The following FRY variants were observed in gnomAD, a reference collection of about 807,000 sequenced individuals.
FRY encodes FRY microtubule binding protein.
FRY carries 128 observed loss-of-function variants against 348.4 expected under a neutral mutation model. That is an observed-to-expected ratio of 0.37 (90% confidence interval 0.32 to 0.43). FRY has a LOEUF of 0.43. Ranked by LOEUF, FRY falls within the 20% of genes least tolerant of loss-of-function variation. FRY has a pLI of 1.00. For synonymous variants in FRY, 1,370 were observed against 1,374.7 expected (o/e 1.00, Z 0.08); for missense variants, 2,736 against 3,695.2 (o/e 0.74, Z 6.73).
Position 32,224,360 on chromosome 13 carries a change from A to G in FRY, c.4891A>G (p.Ile1631Val), listed in dbSNP as rs1885473183. 6 of 1,613,982 alleles carry G rather than the reference A, an allele frequency of 3.7e-6. No homozygotes were observed. The highest frequency in any genetic ancestry group is 5.1e-6 in the Non-Finnish European group (6 of 1,179,920). ...CCTGGTTGACTATCTCCCGGAGACCATCACTCCCCGGGGGCCACTCCACAG... is the reference window on the plus strand; with the variant it reads ...CCTGGTTGACTATCTCCCGGAGACCGTCACTCCCCGGGGGCCACTCCACAG... ...APLVDYLPET[I>V]TPRGPLHRCN... The change falls in exon 37 of 61, where the codon ATC becomes GTC. Residue 1631 changes from isoleucine to valine, a missense_variant. This residue lies in a region of FRY where 794 missense variants were observed against 977.0 expected (regional missense o/e 0.81). Coordinates refer to ENST00000542859, the MANE Select transcript of FRY (RefSeq NM_023037.3).
At position 32,182,959 on chromosome 13, in the gene FRY, G is replaced by T; in HGVS notation, c.2997-18G>T. On this transcript the variant is annotated intron_variant, in intron 23 of 60. Coordinates refer to ENST00000542859, the MANE Select transcript of FRY (RefSeq NM_023037.3). ...GTCAAAAACAATGAATTTCAAATTT[G>T]ACCTTTTTCCTCCACAGAGAATTGG... 6.4e-7 allele frequency: 1 copy of T among 1,553,262 alleles called. No individual in the cohort carries two copies. Among genetic ancestry groups the T allele is most frequent in the South Asian group, 1.1e-5 (1 of 89,192 alleles).
chr13:32,176,909 C>T (rs188912582), intron 20 of FRY, among the ~76,000 whole-genome samples: 2 of 152,262 alleles, frequency 1.3e-5, no homozygotes, highest in East Asian at 3.9e-4. Flanking sequence ...AAATTCAATA[C>T]ACAGAGATTC....
chr13:32,207,971 C>T (rs558004369), intron 31 of FRY, among the ~76,000 whole-genome samples: 86 of 152,354 alleles, frequency 5.6e-4, no homozygotes, highest in African/African-American at 2.0e-3. Context: ...TCGGAGCCTA[C>T]TGCATATACA....
intron 29 of FRY, 82 bp from the exon 30 acceptor site, chr13:32,201,859 A>G: frequency 1.2e-6 from 1 of 838,258 alleles, no homozygotes; most frequent in Non-Finnish European, 2.1e-6. Context: ...TCAGCATGCC[A>G]GCTAGAATTT....
chr13:32,217,367 G>A (rs6561179), intron 35 of FRY, among the ~76,000 whole-genome samples: 34,453 of 151,832 alleles, frequency 0.23, 4,047 homozygotes, highest in South Asian at 0.35. Flanking sequence ...CTACCTTGTA[G>A]TCCTCTGTTT....
intron 11 of FRY, among the ~76,000 whole-genome samples, chr13:32,140,856 T>C (rs181458642): frequency 1.3e-5 from 2 of 152,340 alleles, no homozygotes; most frequent in East Asian, 3.9e-4. Context: ...ATTAATGTTA[T>C]CTTTATCTTG....
At chr13:32,037,584 C>A (rs1052112356) in intron 1 of FRY, among the ~76,000 whole-genome samples, 4 of 152,132 alleles carry the variant, frequency 2.6e-5, no homozygotes, top group African/African-American at 9.7e-5. Context: ...GAAGTCCCAA[C>A]AAGAATTGAA....
At chr13:32,170,895 A>G in intron 17 of FRY, 117 bp from the exon 18 acceptor site, 1 of 803,186 alleles carries the variant, frequency 1.2e-6, no homozygotes, top group South Asian at 1.5e-5. Flanking sequence ...AAAATAAGGG[A>G]GACCCATTTT....
rs141370186 is a variant in FRY, at chr13:32,263,877, C to T, written c.7779+1402C>T. ...CAAAAAAATTAACCGGTCATGGTGG[C>T]GGTGCCCGTAATCCCAGCTACTCAG... is the stretch of plus-strand genomic sequence containing the variant. On this transcript the variant is annotated intron_variant, in intron 53 of 60. Coordinates refer to ENST00000542859, the MANE Select transcript of FRY (RefSeq NM_023037.3). Among the ~76,000 whole-genome samples, 203 of 152,138 alleles carry T rather than the reference C, an allele frequency of 1.3e-3. 1 individual carries two copies. Among genetic ancestry groups the T allele is most frequent in the African/African-American group, 4.6e-3 (190 of 41,502 alleles).
chr13:32,262,351 T>C lies in FRY; in HGVS notation c.7655T>C (p.Met2552Thr), dbSNP rs778598431. ...TLSPSEETNP[M>T]ELLTTACDST... is the part of the protein sequence containing the mutation. ...TCCCCCTCTGAAGAGACGAATCCCA[T>C]GGAGCTGCTCACCACAGCCTGTGAC... The change falls in exon 53 of 61, where the codon ATG becomes ACG. Residue 2552 changes from methionine (M) to threonine (T), a missense_variant. Around this residue, in one of 9 missense-constraint regions of FRY, gnomAD observed 789 missense variants for 996.2 expected, o/e 0.79. Coordinates refer to ENST00000542859, the MANE Select transcript of FRY (RefSeq NM_023037.3). 3.7e-6 allele frequency: 6 copies of C among 1,613,926 alleles called. No individual in the cohort carries two copies. Among genetic ancestry groups the C allele is most frequent in the Non-Finnish European group, 5.1e-6 (6 of 1,179,816 alleles).
At chr13:32,218,396 G>A (rs548259893) in intron 35 of FRY, among the ~76,000 whole-genome samples, 9 of 152,234 alleles carry the variant, frequency 5.9e-5, no homozygotes, top group African/African-American at 1.7e-4. Flanking sequence ...GAGTAAGAGC[G>A]TAGGCTGGGC....
intron 59 of FRY, chr13:32,292,046 G>C (rs552767576): frequency 2.2e-6 from 1 of 446,384 alleles, no homozygotes; most frequent in Non-Finnish European, 4.5e-6. Context: ...GCAATGGCAC[G>C]ATCTCGGCTC....
Position 32,261,772 on chromosome 13 carries a change from G to A in FRY, c.7573G>A (p.Glu2525Lys). 1 of 1,614,194 alleles carries A rather than the reference G, an allele frequency of 6.2e-7. No individual in the cohort carries two copies. The highest frequency in any genetic ancestry group is 8.5e-7 in the Non-Finnish European group (1 of 1,180,034). The change falls in exon 52 of 61, where the codon GAG becomes AAG. Residue 2525 changes from glutamate to lysine, a missense_variant. Physicochemically the swap from Glu to Lys is moderately conservative, Grantham distance 56. Coordinates refer to ENST00000542859, the MANE Select transcript of FRY (RefSeq NM_023037.3). ...HHEDSDESSE[E>K]EDLTASQILE... Reference sequence around the variant, plus strand: ...TGAGGACTCCGATGAATCATCCGAGGAGGAGGACCTCACAGCCAGCCAGAT... The same window carrying A: ...TGAGGACTCCGATGAATCATCCGAGAAGGAGGACCTCACAGCCAGCCAGAT...
At chr13:32,163,203 C>T (rs1018489600) in intron 17 of FRY, among the ~76,000 whole-genome samples, 3 of 152,170 alleles carry the variant, frequency 2.0e-5, no homozygotes, top group African/African-American at 7.2e-5. Context: ...GTGTATTTCC[C>T]CAGAGCACAG....
At position 32,249,533 on chromosome 13, in the gene FRY, T is replaced by C. The variant is rs757285873; in HGVS notation, c.7016T>C (p.Ile2339Thr). 5 of 1,614,064 alleles carry C rather than the reference T, an allele frequency of 3.1e-6. No individual in the cohort carries two copies. In the Admixed American group the frequency reaches 5.0e-5, roughly 16 times the overall value. ...DFHFDISETP[I>T]IGRRYDELQN... ...GTTTGTCTTCTTCTCAAGACTCCAA[T>C]CATCGGGAGGCGGTATGATGAGCTG... is the stretch of plus-strand genomic sequence containing the variant. Residue 2339 changes from isoleucine (I) to threonine (T), a missense_variant, in exon 49 of 61, where the codon ATC (isoleucine) becomes ACC (threonine). Ile to Thr is a moderately conservative substitution (Grantham distance 89). Coordinates refer to ENST00000542859, the MANE Select transcript of FRY (RefSeq NM_023037.3).
In FRY at chr13:32,209,057, C is replaced by G. The variant is rs374760436; in HGVS notation, c.4223C>G (p.Ser1408Cys). The G allele has an allele frequency of 6.2e-7, 1 of 1,614,102 alleles. No homozygotes were observed. Among genetic ancestry groups the G allele is most frequent in the African/African-American group, 1.3e-5 (1 of 75,050 alleles). Residue 1408 changes from serine (S) to cysteine (C), a missense_variant, in exon 32 of 61, where the codon TCT becomes TGT. Transcript: ENST00000542859. ...SHGLRGNGWG[S>C]PEATSLVLNN... ...GGGCTGAGAGGAAATGGCTGGGGCT[C>G]TCCAGAAGCCACGTCACTGGTCCTG... is the stretch of plus-strand genomic sequence containing the variant.
chr13:32,063,249 G>C (rs1481438136), intron 1 of FRY, among the ~76,000 whole-genome samples: 6 of 152,158 alleles, frequency 3.9e-5, no homozygotes, highest in African/African-American at 7.2e-5. Context: ...TTTATGTTGG[G>C]TCCCTGTGTA....
chr13:32,234,108 G>A (rs964842056), intron 41 of FRY, among the ~76,000 whole-genome samples: 1 of 89,440 alleles, frequency 1.1e-5, no homozygotes, highest in African/African-American at 4.1e-5. Context: ...AACAAAGAAA[G>A]ACCCTGTTTC....
At chr13:32,137,535 G>T (rs1001076413) in intron 11 of FRY, among the ~76,000 whole-genome samples, 1 of 152,238 alleles carries the variant, frequency 6.6e-6, no homozygotes, top group Non-Finnish European at 1.5e-5. Flanking sequence ...ATGGCAGTCA[G>T]TCCTAAGCAT....
Sources: allele counts gnomAD v4.1 joint callset (sites outside exome capture counted in the v4.1 genomes callset), GRCh38; gene constraint gnomAD v4.1.1; regional missense constraint gnomAD v4.1.1; transcripts MANE v1.5; gene names NCBI Gene and HGNC (gene_info 2026-07-23, HGNC 2026-07-21).